Variants in GALNT13 observed in about 807,000 individuals in gnomAD.
The protein encoded by GALNT13 is UDP-GalNAc:polypeptide N-acetylgalactosaminyltransferase 13.
GALNT13 carries 28 observed loss-of-function variants against 64.2 expected under a neutral mutation model. The observed-to-expected ratio is 0.44, with a 90% confidence interval of 0.32 to 0.60. GALNT13 has a LOEUF of 0.60. Among genes scored for constraint, GALNT13 ranks in the 20% least tolerant of loss-of-function variants. The pLI is 0.05. For missense variants in GALNT13, 577 were observed against 669.8 expected (o/e 0.86, Z 1.53); for synonymous variants, 214 against 224.6 (o/e 0.95, Z 0.42).
the GALNT13 span, among the ~76,000 whole-genome samples, chr2:153,127,082 A>G: frequency 2.0e-5 from 3 of 152,162 alleles, no homozygotes; most frequent in Non-Finnish European, 4.4e-5. Flanking sequence ...AATACAAGCT[A>G]CAAAAAAATC....
Position 153,914,470 on chromosome 2 carries a change from C to T in GALNT13, c.-105+13463C>T, listed in dbSNP as rs139771876. Among the ~76,000 whole-genome samples the T allele has an allele frequency of 5.3e-3, 600 of 112,250 alleles. 4 individuals carry two copies. Among genetic ancestry groups the T allele is most frequent in the African/African-American group, 0.021 (563 of 26,882 alleles). 73.6% of individuals were successfully genotyped at this position (112,250 alleles called of 152,430 possible). ...TTGCACTCCAGCCTGGGCAAAAGTGCGAGTCTCCGTCTCAAAAAAAAAAAA... is the reference window on the plus strand; with the variant it reads ...TTGCACTCCAGCCTGGGCAAAAGTGTGAGTCTCCGTCTCAAAAAAAAAAAA... On this transcript the variant is annotated intron_variant, in intron 2 of 12. Coordinates refer to ENST00000392825, the MANE Select transcript of GALNT13 (RefSeq NM_052917.4).
chr2:153,446,604 C>T, the GALNT13 span, among the ~76,000 whole-genome samples: 5 of 152,142 alleles, frequency 3.3e-5, no homozygotes, highest in African/African-American at 1.2e-4. Flanking sequence ...TTATCTTTCC[C>T]ACATGGATAC....
chr2:153,378,428 A>T, the GALNT13 span, among the ~76,000 whole-genome samples: 453 of 152,282 alleles, frequency 3.0e-3, 18 homozygotes, highest in East Asian at 0.08. Context: ...ATGAAAACAT[A>T]GCTCTGAAGA....
intron 4 of GALNT13, among the ~76,000 whole-genome samples, chr2:154,237,251 A>G (rs1689240050): frequency 6.6e-6 from 1 of 151,858 alleles, no homozygotes; most frequent in Admixed American, 6.6e-5. Flanking sequence ...CATACATTTC[A>G]GATGAGACCT....
the GALNT13 span, among the ~76,000 whole-genome samples, chr2:153,630,801 ATATATATTTTT>A: frequency 2.6e-3 from 45 of 17,224 alleles, no homozygotes; most frequent in South Asian, 7.4e-3. Flanking sequence ...ATATATATAT[ATATATATTTTT>A]TTTTTTTTTT....
chr2:154,196,883 T>C (rs2105769508), intron 4 of GALNT13, among the ~76,000 whole-genome samples: 1 of 152,326 alleles, frequency 6.6e-6, no homozygotes, highest in African/African-American at 2.4e-5. Context: ...GGTGGTCATA[T>C]ATCCTATGCT....
At chr2:153,861,559 CTTT>C in the GALNT13 span, among the ~76,000 whole-genome samples, 24 of 118,186 alleles carry the variant, frequency 2.0e-4, no homozygotes, top group African/African-American at 6.9e-4. Context: ...TTCTTTCTTT[CTTT>C]TTTTTTTTTT....
At chr2:154,311,530 C>T (rs915656732) in intron 9 of GALNT13, among the ~76,000 whole-genome samples, 2 of 152,074 alleles carry the variant, frequency 1.3e-5, no homozygotes, top group African/African-American at 4.8e-5. Flanking sequence ...CAAGTGGAGA[C>T]AGGGCGAGAT....
the GALNT13 span, among the ~76,000 whole-genome samples, chr2:153,320,403 A>G: frequency 6.6e-6 from 1 of 152,158 alleles, no homozygotes; most frequent in Non-Finnish European, 1.5e-5. Flanking sequence ...ACCCATGCAT[A>G]TTTATTGAGT....
At chr2:154,128,411 T>G (rs1682417463) in intron 3 of GALNT13, among the ~76,000 whole-genome samples, 2 of 152,126 alleles carry the variant, frequency 1.3e-5, no homozygotes, top group African/African-American at 4.8e-5. Context: ...TTTTGATTAT[T>G]AAAGTAGGTT....
intron 9 of GALNT13, among the ~76,000 whole-genome samples, chr2:154,303,898 C>T (rs1355939534): frequency 6.6e-6 from 1 of 151,982 alleles, no homozygotes; most frequent in Non-Finnish European, 1.5e-5. Flanking sequence ...GCTGGGATTA[C>T]AGGCACCCGC....
the GALNT13 span, among the ~76,000 whole-genome samples, chr2:153,301,323 A>AAAAAAAAAGAAG: frequency 6.7e-6 from 1 of 149,960 alleles, no homozygotes; most frequent in African/African-American, 2.5e-5. Context: ...AAAAAAGAAA[A>AAAAAAAAAGAAG]AAAAAAAGAG....
chr2:153,920,683 G>C (rs1553455320), intron 2 of GALNT13, among the ~76,000 whole-genome samples: 1 of 152,038 alleles, frequency 6.6e-6, no homozygotes, highest in Non-Finnish European at 1.5e-5. Flanking sequence ...ACTATCAACA[G>C]AACAAACAGA....
the GALNT13 span, among the ~76,000 whole-genome samples, chr2:153,191,705 C>CT: frequency 0.17 from 24,459 of 141,402 alleles, 2,128 homozygotes; most frequent in African/African-American, 0.2. Flanking sequence ...GCTTGAAAGA[C>CT]TTTTTTTTTT....
chr2:153,406,080 C>T, the GALNT13 span, among the ~76,000 whole-genome samples: 455 of 152,250 alleles, frequency 3.0e-3, no homozygotes, highest in African/African-American at 0.01. Context: ...ATGAACCAGG[C>T]GTCCTTGAAT....
chr2:153,946,600 A>G (rs952967756), intron 3 of GALNT13, among the ~76,000 whole-genome samples: 1 of 152,034 alleles, frequency 6.6e-6, no homozygotes, highest in Admixed American at 6.6e-5. Flanking sequence ...CACTAACCTC[A>G]CTAGGCAGAA....
chr2:153,966,590 G>A (rs1214238906), intron 3 of GALNT13, among the ~76,000 whole-genome samples: 4 of 151,792 alleles, frequency 2.6e-5, no homozygotes, highest in African/African-American at 4.8e-5. Context: ...GGATGGTCTC[G>A]ATCTCATGAC....
chr2:153,585,844 A>C, the GALNT13 span, among the ~76,000 whole-genome samples: 4 of 152,060 alleles, frequency 2.6e-5, no homozygotes, highest in Admixed American at 6.6e-5. Context: ...ATCATAAATA[A>C]AGGAGAAATA....
chr2:153,546,330 G>T, the GALNT13 span, among the ~76,000 whole-genome samples: 1 of 152,148 alleles, frequency 6.6e-6, no homozygotes, highest in African/African-American at 2.4e-5. Flanking sequence ...TTGTATTTCT[G>T]TACTTTTAAA....
Sources: allele counts gnomAD v4.1 joint callset (sites outside exome capture counted in the v4.1 genomes callset), GRCh38; gene constraint gnomAD v4.1.1; transcripts MANE v1.5; gene names NCBI Gene and HGNC (gene_info 2026-07-23, HGNC 2026-07-21).